The following IRS2 variants were observed in gnomAD, a reference collection of about 807,000 sequenced individuals.
IRS2 encodes the protein insulin receptor substrate 2.
In IRS2, 28 loss-of-function variants were observed where a neutral mutation model predicts 70.9. The observed-to-expected ratio is 0.39, with a 90% CI of 0.29 to 0.54. The LOEUF is 0.54. Ranked by LOEUF, IRS2 falls within the 20% of genes least tolerant of loss-of-function variation. The probability of loss-of-function intolerance (pLI) is 0.59; values close to 1 mark genes in which losing one functional copy is unlikely to be tolerated. For missense variants in IRS2, 2,081 were observed against 2,024.1 expected (o/e 1.03, Z -0.54); for synonymous variants, 1,217 against 981.9 (o/e 1.24, Z -4.48).
At position 109,784,299 on chromosome 13, in the gene IRS2, C is replaced by A. The variant is rs1197461704; in HGVS notation, c.1755G>T (p.Arg585=). 1 of 1,598,980 alleles carries A rather than the reference C, an allele frequency of 6.3e-7. No individual in the cohort carries two copies. The highest frequency in any genetic ancestry group is 1.3e-5 in the African/African-American group (1 of 74,668). ...AGGCAGAGGAGGGCTGGGGCACCGG[C>A]CGCTGCCGGGCTGGCGTGGTCAGGG... is the stretch of plus-strand genomic sequence containing the variant. ...TYSLTTPARQ[R]PVPQPSSASL... Residue 585 remains arginine, a synonymous_variant, in exon 1 of 2, where the codon CGG becomes CGT. Coordinates refer to ENST00000375856, the MANE Select transcript of IRS2 (RefSeq NM_003749.3). The surrounding 1 kb of genome is among the most constrained non-coding windows in gnomAD (Gnocchi z 5.2).
intron 1 of IRS2, among the ~76,000 whole-genome samples, chr13:109,781,483 T>C (rs1488326787): frequency 6.6e-6 from 1 of 152,138 alleles, no homozygotes; most frequent in African/African-American, 2.4e-5. Flanking sequence ...AGTTTGTGTG[T>C]AAAACGGAAA....
intron 1 of IRS2, among the ~76,000 whole-genome samples, chr13:109,773,478 A>G (rs992888391): frequency 1.8e-4 from 28 of 152,342 alleles, no homozygotes; most frequent in Non-Finnish European, 3.5e-4. Flanking sequence ...CTGACTCATC[A>G]CTGTGTCACC....
intron 1 of IRS2, among the ~76,000 whole-genome samples, chr13:109,772,727 C>T (rs1877481319): frequency 1.4e-5 from 2 of 142,494 alleles, no homozygotes; most frequent in African/African-American, 2.6e-5. Context: ...CTCGCTCTGT[C>T]GGCCAGGCCG....
At chr13:109,772,800 A>T (rs555255052) in intron 1 of IRS2, among the ~76,000 whole-genome samples, 1 of 147,630 alleles carries the variant, frequency 6.8e-6, no homozygotes, top group East Asian at 2.0e-4. Flanking sequence ...GGTTCACGCC[A>T]TTCTCCTGCC....
intron 1 of IRS2, among the ~76,000 whole-genome samples, chr13:109,759,831 C>T (rs78183937): frequency 0.026 from 4,010 of 152,146 alleles, 157 homozygotes; most frequent in African/African-American, 0.091. Flanking sequence ...GAAACCACCA[C>T]GGCAACACGA....
chr13:109,776,248 A>C, intron 1 of IRS2, among the ~76,000 whole-genome samples: 1 of 152,364 alleles, frequency 6.6e-6, no homozygotes, highest in Admixed American at 6.5e-5. Flanking sequence ...TTGATCAAAT[A>C]TTCCAAATTT....
At position 109,752,738 on chromosome 13, in the gene IRS2, CATT is replaced by C. The variant is rs1461127088; in HGVS notation, c.*3563_*3565del. On this transcript the variant is annotated 3_prime_UTR_variant, in exon 2 of 2. Coordinates refer to ENST00000375856, the MANE Select transcript of IRS2 (RefSeq NM_003749.3). The stretch of plus-strand genomic sequence containing the variant: ...TTATTTGTTCAAAAGATAACACACA[CATT>C]ATTACATGACTATCATTTTAGGGCA... The C allele has an allele frequency of 6.6e-6, 1 of 152,190 alleles. No individual in the cohort carries two copies. Among genetic ancestry groups the C allele is most frequent in the Non-Finnish European group, 1.5e-5 (1 of 68,044 alleles). The allele number at this position is 152,190 out of a possible 1,614,324, so 9.4% of individuals were successfully genotyped here.
In IRS2 at chr13:109,783,720, G is replaced by A. The variant is rs140229481; in HGVS notation, c.2334C>T (p.Gly778=). 2.4e-4 allele frequency: 382 copies of A among 1,575,864 alleles called. 2 individuals are homozygous for A. In the African/African-American group the frequency reaches 4.5e-3, roughly 19 times the overall value. ...NVSPSDAVTT[G]TPPDFFSAAL... ...CTGCGGAGAAGAAGTCGGGCGGGGT[G>A]CCCGTGGTGACCGCGTCGCTGGGGG... Residue 778 remains glycine, a synonymous_variant, in exon 1 of 2, where the codon GGC becomes GGT. Coordinates refer to ENST00000375856, the MANE Select transcript of IRS2 (RefSeq NM_003749.3).
chr13:109,756,541 G>A (rs1877110385), intron 1 of IRS2, among the ~76,000 whole-genome samples: 2 of 152,220 alleles, frequency 1.3e-5, no homozygotes, highest in Admixed American at 1.3e-4. Flanking sequence ...TGTCTAGACA[G>A]TTAGGTTCGT....
In IRS2 at chr13:109,784,444, C is replaced by A. The variant is rs1444681282; in HGVS notation, c.1610G>T (p.Gly537Val). Residue 537 changes from glycine (G) to valine (V), a missense_variant, in exon 1 of 2, where the codon GGT (glycine) becomes GTT (valine). By Grantham distance (109) the Gly-to-Val change is moderately radical. Transcript: ENST00000375856. This position sits in a 1 kb window ranked among gnomAD's most constrained non-coding sequence, Gnocchi z 5.2. ...TPPARDGGGG[G>V]EFYGYMTMDR... The stretch of plus-strand genomic sequence containing the variant: ...CATGGTCATGTACCCGTAGAACTCA[C>A]CGCCGCCGCCGCCGTCTCGGGCCGG... 1.3e-6 allele frequency: 2 copies of A among 1,577,172 alleles called. No homozygotes were observed. The highest frequency in any genetic ancestry group is 1.8e-5 in the Admixed American group (1 of 57,132).
At chr13:109,781,208 G>C (rs971217769) in intron 1 of IRS2, among the ~76,000 whole-genome samples, 5 of 152,058 alleles carry the variant, frequency 3.3e-5, no homozygotes, top group Non-Finnish European at 1.5e-5. Flanking sequence ...GTCTCACCTG[G>C]GGCAGGGTCC....
Position 109,786,063 on chromosome 13 carries a change from T to C in IRS2, c.-10A>G, listed in dbSNP as rs1327778621. ...GCGGCGGGCTCGCCATCGCGGGCGCTTCAGGCCGCGCGGCCCGGGCCCGGC... is the reference window on the plus strand; with the variant it reads ...GCGGCGGGCTCGCCATCGCGGGCGCCTCAGGCCGCGCGGCCCGGGCCCGGC... On this transcript the variant is annotated 5_prime_UTR_variant, in exon 1 of 2. Transcript: ENST00000375856. The surrounding 1 kb of genome is among the most constrained non-coding windows in gnomAD (Gnocchi z 4.4). 5 of 1,170,372 alleles carry C rather than the reference T, an allele frequency of 4.3e-6. No individual in the cohort carries two copies. Among genetic ancestry groups the C allele is most frequent in the African/African-American group, 1.6e-5 (1 of 60,628 alleles). The allele number at this position is 1,170,372 out of a possible 1,614,324, so 72.5% of individuals were successfully genotyped here. A position where few individuals can be genotyped will look rare whatever the true frequency, so the allele number is the denominator to read the frequency against.
chr13:109,777,990 T>C (rs538897925), intron 1 of IRS2, among the ~76,000 whole-genome samples: 3 of 152,380 alleles, frequency 2.0e-5, no homozygotes, highest in Non-Finnish European at 2.9e-5. Flanking sequence ...TGGCTCCATT[T>C]TCAGACTATG....
intron 1 of IRS2, among the ~76,000 whole-genome samples, chr13:109,773,536 A>G (rs899910581): frequency 3.9e-5 from 6 of 152,208 alleles, no homozygotes; most frequent in African/African-American, 1.4e-4. Context: ...TCTGCTAGAT[A>G]ATCTAGGCCT....
intron 1 of IRS2, among the ~76,000 whole-genome samples, chr13:109,776,202 AGTTAT>A (rs1877574421): frequency 2.6e-5 from 4 of 152,188 alleles, no homozygotes; most frequent in Admixed American, 6.5e-5. Flanking sequence ...GCGTGTGATC[AGTTAT>A]CTTTAAAAAA....
intron 1 of IRS2, 89 bp from the exon 2 acceptor site, chr13:109,756,397 C>T (rs539149800): frequency 1.9e-6 from 2 of 1,067,692 alleles, no homozygotes; most frequent in African/African-American, 3.1e-5. Context: ...TAACCCACAG[C>T]TAGGACCTGG....
intron 1 of IRS2, among the ~76,000 whole-genome samples, chr13:109,769,500 AT>A (rs1335044151): frequency 6.6e-6 from 1 of 152,180 alleles, no homozygotes; most frequent in Non-Finnish European, 1.5e-5. Context: ...ACTGCTGTTC[AT>A]CCCCTTTGCC....
In IRS2 at chr13:109,784,505, G is replaced by C. The variant is rs2138936022; in HGVS notation, c.1549C>G (p.Arg517Gly). 2.6e-6 allele frequency: 4 copies of C among 1,554,290 alleles called. No homozygotes were observed. The highest frequency in any genetic ancestry group is 1.4e-5 in the African/African-American group (1 of 72,962). The change falls in exon 1 of 2, where the codon CGA (arginine) becomes GGA (glycine). Residue 517 changes from arginine to glycine, a missense_variant. Coordinates refer to ENST00000375856, the MANE Select transcript of IRS2 (RefSeq NM_003749.3). This position sits in a 1 kb window ranked among gnomAD's most constrained non-coding sequence, Gnocchi z 5.2. ...GCGATGGACTCGGGCGTGTTGCTTC[G>C]GTGGCTGCAGAAGGCGCGCAGGTCG... Reference protein sequence around the residue: ...PGDLRAFCSHRSNTPESIAET... With the variant: ...PGDLRAFCSHGSNTPESIAET...
intron 1 of IRS2, among the ~76,000 whole-genome samples, chr13:109,774,407 G>A (rs1279935000): frequency 6.6e-6 from 1 of 152,096 alleles, no homozygotes; most frequent in Non-Finnish European, 1.5e-5. Context: ...TCAATAAATA[G>A]AGCGCTTTCC....
Sources: allele counts gnomAD v4.1 joint callset (sites outside exome capture counted in the v4.1 genomes callset), GRCh38; gene constraint gnomAD v4.1.1; non-coding constraint Gnocchi (gnomAD v3.1); transcripts MANE v1.5; gene names NCBI Gene and HGNC (gene_info 2026-07-23, HGNC 2026-07-21).